KCNK2: variants seen among roughly 807,000 people sequenced by gnomAD.
The protein encoded by KCNK2 is potassium two pore domain channel subfamily K member 2.
Under a neutral mutation model 40.5 loss-of-function variants are expected in KCNK2, and 21 were observed. The ratio of observed to expected loss-of-function variants is 0.52; its 90% CI spans 0.37 to 0.75. The LOEUF is 0.75. Ranked by LOEUF, KCNK2 falls within the 30% of genes least tolerant of loss-of-function variation. The pLI is 0.00. For missense variants in KCNK2, 399 were observed against 531.6 expected (o/e 0.75, Z 2.45); for synonymous variants, 191 against 202.2 (o/e 0.94, Z 0.47).
At chr1:215,140,678 T>C (rs2102600292) in intron 3 of KCNK2, among the ~76,000 whole-genome samples, 1 of 152,014 alleles carries the variant, frequency 6.6e-6, no homozygotes, top group Non-Finnish European at 1.5e-5. Flanking sequence ...CATAAATGAG[T>C]CTTGTGGGAC....
chr1:215,230,709 T>C (rs1342450250), intron 6 of KCNK2, among the ~76,000 whole-genome samples: 1 of 151,458 alleles, frequency 6.6e-6, no homozygotes, highest in Non-Finnish European at 1.5e-5. Flanking sequence ...ATTGCATGGC[T>C]GTGGGCACAC....
chr1:215,056,499 CAA>C (rs376076606), intron 1 of KCNK2, among the ~76,000 whole-genome samples: 925 of 55,008 alleles, frequency 0.017, 5 homozygotes, highest in South Asian at 0.16. Flanking sequence ...GACTCAGTCT[CAA>C]AAAAAAAAAA....
chr1:215,198,866 C>A (rs1167564608), intron 6 of KCNK2, among the ~76,000 whole-genome samples: 1 of 152,102 alleles, frequency 6.6e-6, no homozygotes. Flanking sequence ...AATACTTGGA[C>A]ACATGCTTTC....
chr1:215,113,251 T>A (rs144136727), intron 2 of KCNK2, among the ~76,000 whole-genome samples: 7 of 152,308 alleles, frequency 4.6e-5, no homozygotes, highest in Non-Finnish European at 7.3e-5. Context: ...CTTAGAACTT[T>A]CAGTATTTCC....
chr1:215,087,609 T>G (rs1659503733), intron 2 of KCNK2, among the ~76,000 whole-genome samples: 2 of 152,242 alleles, frequency 1.3e-5, no homozygotes, highest in South Asian at 4.1e-4. Flanking sequence ...TATACACATT[T>G]GTTTTCCTAT....
intron 1 of KCNK2, among the ~76,000 whole-genome samples, chr1:215,014,072 A>G (rs1175990395): frequency 6.6e-6 from 1 of 152,096 alleles, no homozygotes; most frequent in Non-Finnish European, 1.5e-5. Context: ...TTATCAGGTT[A>G]AGGAAATTCT....
intron 1 of KCNK2, among the ~76,000 whole-genome samples, chr1:215,084,233 T>C (rs1406575581): frequency 8.5e-5 from 12 of 141,590 alleles, no homozygotes; most frequent in Non-Finnish European, 1.5e-4. Flanking sequence ...TAAAAATACC[T>C]GCCCCTTTCC....
At chr1:215,080,899 T>C (rs1252105239), upstream of KCNK2, among the ~76,000 whole-genome samples, 7 of 152,220 alleles carry the variant, frequency 4.6e-5, no homozygotes, top group East Asian at 1.3e-3. Context: ...TGAAGGTGTT[T>C]CATAAATGTG....
At chr1:215,039,222 G>T (rs1273719306) in intron 1 of KCNK2, among the ~76,000 whole-genome samples, 1 of 151,984 alleles carries the variant, frequency 6.6e-6, no homozygotes, top group East Asian at 1.9e-4. Context: ...GTCCTGATTG[G>T]TCTTTAACCT....
chr1:215,021,137 A>T (rs951944067), intron 1 of KCNK2, among the ~76,000 whole-genome samples: 9 of 152,184 alleles, frequency 5.9e-5, no homozygotes, highest in African/African-American at 2.2e-4. Context: ...ACAGTGAAAA[A>T]TTATGCTTCA....
intron 2 of KCNK2, among the ~76,000 whole-genome samples, chr1:215,093,834 AATATATT>A (rs1277198659): frequency 3.6e-4 from 23 of 63,630 alleles, no homozygotes; most frequent in Middle Eastern, 7.5e-3. Context: ...TTATATATAA[AATATATT>A]ATATATTATA....
At chr1:215,181,363 CA>C (rs1664208544) in intron 5 of KCNK2, among the ~76,000 whole-genome samples, 1 of 152,054 alleles carries the variant, frequency 6.6e-6, no homozygotes, top group Non-Finnish European at 1.5e-5. Flanking sequence ...TCTGAGTTTC[CA>C]TTTTGGTTTG....
intron 1 of KCNK2, among the ~76,000 whole-genome samples, chr1:215,064,930 A>G (rs537257873): frequency 3.0e-4 from 46 of 152,196 alleles, no homozygotes; most frequent in African/African-American, 1.0e-3. Context: ...ATGTCACAGT[A>G]TTGTGTTAAA....
At chr1:215,050,311 G>A (rs1657940677) in intron 1 of KCNK2, among the ~76,000 whole-genome samples, 1 of 152,108 alleles carries the variant, frequency 6.6e-6, no homozygotes, top group African/African-American at 2.4e-5. Flanking sequence ...AAAAATGACT[G>A]ATTTGGGGGT....
intron 3 of KCNK2, among the ~76,000 whole-genome samples, chr1:215,153,506 G>A (rs1339955969): frequency 1.3e-5 from 2 of 151,630 alleles, no homozygotes; most frequent in Admixed American, 1.3e-4. Context: ...ACTGTCTCTT[G>A]GCAAAATCAT....
At position 215,209,402 on chromosome 1, in the gene KCNK2, A is replaced by C. The variant is rs59975768; in HGVS notation, c.963+14310A>C. On this transcript the variant is annotated intron_variant, in intron 6 of 6. Coordinates refer to ENST00000444842, the MANE Select transcript of KCNK2 (RefSeq NM_001017425.3). ...TATAAAATATATATATTATATATAAAATATGCATATATTATATATAATATA... is the reference window on the plus strand; with the variant it reads ...TATAAAATATATATATTATATATAACATATGCATATATTATATATAATATA... Among the ~76,000 whole-genome samples, 2 of 63,810 alleles carry C rather than the reference A, an allele frequency of 3.1e-5. 1 individual carries two copies. Among genetic ancestry groups the C allele is most frequent in the African/African-American group, 1.4e-4 (2 of 14,540 alleles). 41.9% of individuals were successfully genotyped at this position (63,810 alleles called of 152,430 possible). A position where few individuals can be genotyped will look rare whatever the true frequency, so the allele number is the denominator to read the frequency against.
chr1:215,026,428 T>A (rs879536806), intron 1 of KCNK2, among the ~76,000 whole-genome samples: 10 of 152,054 alleles, frequency 6.6e-5, no homozygotes, highest in Admixed American at 2.6e-4. Context: ...TCCATTGATT[T>A]TTTTGTAAAT....
upstream of KCNK2, among the ~76,000 whole-genome samples, chr1:215,080,555 A>G (rs1659114186): frequency 6.6e-6 from 1 of 152,118 alleles, no homozygotes; most frequent in Non-Finnish European, 1.5e-5. Context: ...TAACGATTTC[A>G]CTCAGATGTT....
intron 6 of KCNK2, among the ~76,000 whole-genome samples, chr1:215,202,866 C>T (rs1665137739): frequency 6.6e-6 from 1 of 152,188 alleles, no homozygotes; most frequent in Non-Finnish European, 1.5e-5. Context: ...GACTTGACTC[C>T]ATGGCCCAGC....
Sources: gnomAD v4.1 joint callset for allele counts (sites outside exome capture counted in the v4.1 genomes callset) on GRCh38, gnomAD v4.1.1 for gene constraint, MANE v1.5 for transcripts, NCBI Gene and HGNC (gene_info 2026-07-23, HGNC 2026-07-21) for gene names.